The following SLC44A2 variants were observed in gnomAD, a reference collection of about 807,000 sequenced individuals.
SLC44A2 encodes the protein choline transporter-like protein 2.
Under a neutral mutation model 90.8 loss-of-function variants are expected in SLC44A2, and 57 were observed. The observed-to-expected ratio is 0.63, with a 90% confidence interval of 0.51 to 0.78. The LOEUF is 0.78. Among genes scored for constraint, SLC44A2 ranks in the 30% least tolerant of loss-of-function variants. The pLI, the probability that SLC44A2 is intolerant of heterozygous loss-of-function variation, is 0.00. For synonymous variants in SLC44A2, 355 were observed against 360.7 expected, an observed-to-expected ratio of 0.98 and a Z score of 0.18; for missense variants, 794 against 919.7, an observed-to-expected ratio of 0.86 and a Z score of 1.77.
intron 20 of SLC44A2, chr19:10,641,481 T>G: frequency 4.7e-6 from 2 of 429,766 alleles, no homozygotes; most frequent in South Asian, 3.3e-5. Flanking sequence ...CTCTTTGAGC[T>G]GAAAGCAGAA....
At chr19:10,629,555 G>A (rs1048133366) in intron 4 of SLC44A2, among the ~76,000 whole-genome samples, 1 of 151,142 alleles carries the variant, frequency 6.6e-6, no homozygotes, top group Non-Finnish European at 1.5e-5. Context: ...TGGTATTACG[G>A]GTGTGAGCCA....
intron 1 of SLC44A2, among the ~76,000 whole-genome samples, chr19:10,612,804 A>G (rs1337223828): frequency 1.3e-5 from 2 of 152,232 alleles, no homozygotes; most frequent in Non-Finnish European, 2.9e-5. Flanking sequence ...TGCCTCTCCC[A>G]ATCCTGGCCT....
intron 16 of SLC44A2, 102 bp from the exon 17 acceptor site, chr19:10,637,541 AG>A (rs2067071159): frequency 9.5e-7 from 1 of 1,054,996 alleles, no homozygotes; most frequent in Non-Finnish European, 1.5e-6. Flanking sequence ...GCGTGGACTC[AG>A]GAGACCTGGA....
chr19:10,635,673 C>CT, intron 14 of SLC44A2, 158 bp downstream of exon 14: 1 of 639,642 alleles, frequency 1.6e-6, no homozygotes, highest in South Asian at 2.1e-5. Context: ...AAGAGACTCT[C>CT]TAACTGGATC....
rs1371001954 is a variant in SLC44A2 at position 10,631,620 on chromosome 19, A to G, written c.503-6A>G. 2 of 1,613,930 alleles carry G rather than the reference A, an allele frequency of 1.2e-6. No individual in the cohort carries two copies. Among genetic ancestry groups the G allele is most frequent in the Admixed American group, 1.7e-5 (1 of 60,016 alleles). On this transcript the variant is annotated splice_region_variant and splice_polypyrimidine_tract_variant and intron_variant, in intron 7 of 21. Coordinates refer to ENST00000335757, the MANE Select transcript of SLC44A2 (RefSeq NM_020428.4). The stretch of plus-strand genomic sequence containing the variant: ...CCTGACTGGTGCCATCCTCTGCTCC[A>G]TGCAGTGGCCCGGAGATGCTTCCCC...
chr19:10,610,631 C>CT lies in SLC44A2; in HGVS notation c.31+8095dup, dbSNP rs56002726. 8.6e-3 allele frequency among the ~76,000 whole-genome samples: 413 copies of CT among 48,010 alleles called. 7 individuals carry two copies. The highest frequency in any genetic ancestry group is 0.01 in the African/African-American group (113 of 10,904). 31.5% of individuals were successfully genotyped at this position (48,010 alleles called of 152,430 possible). ...TACAGTCGTGAGCCACCGCGCCTGG[C>CT]TTTTTTTTTTTTTTTTTTTTTTTTT... On this transcript the variant is annotated intron_variant, in intron 1 of 21. Transcript: ENST00000407327.
At chr19:10,636,779 A>G in intron 16 of SLC44A2, 23 bp downstream of exon 16, 2 of 1,607,486 alleles carry the variant, frequency 1.2e-6, no homozygotes, top group East Asian at 4.5e-5. Flanking sequence ...CACGGTTCGC[A>G]TTAGCTCCTG....
intron 20 of SLC44A2, among the ~76,000 whole-genome samples, chr19:10,640,176 C>T (rs973653649): frequency 4.0e-5 from 6 of 149,944 alleles, no homozygotes; most frequent in Non-Finnish European, 8.9e-5. Context: ...CCACAACCTC[C>T]ACCTCCCGGG....
chr19:10,604,749 G>A (rs978098853), intron 1 of SLC44A2, among the ~76,000 whole-genome samples: 1 of 152,132 alleles, frequency 6.6e-6, no homozygotes, highest in Admixed American at 6.6e-5. Context: ...TGTCAAGCTC[G>A]ATGTGCTCAG....
Position 10,635,227 on chromosome 19 carries a change from T to A in SLC44A2, c.1120T>A (p.Cys374Ser). The A allele has an allele frequency of 1.2e-6, 2 of 1,614,082 alleles. No individual in the cohort carries two copies. Among genetic ancestry groups the A allele is most frequent in the Non-Finnish European group, 1.7e-6 (2 of 1,180,028 alleles). The change falls in exon 13 of 22, where the codon TGC becomes AGC. Residue 374 changes from cysteine (C) to serine (S), a missense_variant. By Grantham distance (112) the Cys-to-Ser change is moderately radical (BLOSUM62 -1). Transcript: ENST00000335757. Reference protein sequence around the residue: ...PLVTFFLLCLCIAYWASTAVF... With the variant: ...PLVTFFLLCLSIAYWASTAVF... ...GGTCACCTTCTTCTTGCTGTGCCTC[T>A]GCATCGCCTACTGGGCCAGCACTGC...
At chr19:10,629,975 G>A (rs1040200295) in intron 4 of SLC44A2, among the ~76,000 whole-genome samples, 7 of 151,990 alleles carry the variant, frequency 4.6e-5, no homozygotes, top group African/African-American at 7.2e-5. Flanking sequence ...GGCTGGTCTC[G>A]AACTCCTGAC....
intron 4 of SLC44A2, 33 bp downstream of exon 4, chr19:10,628,037 G>A: frequency 5.1e-6 from 8 of 1,562,018 alleles, no homozygotes; most frequent in Non-Finnish European, 7.0e-6. Flanking sequence ...GGTGGGGCTG[G>A]GGAAGAGGGG....
chr19:10,607,517 ATTTTTT>A (rs61695650), intron 1 of SLC44A2, among the ~76,000 whole-genome samples: 1 of 127,390 alleles, frequency 7.8e-6, no homozygotes, highest in Admixed American at 8.0e-5. Context: ...TACTCAACTA[ATTTTTT>A]TTTTTTTTTT....
upstream of SLC44A2, among the ~76,000 whole-genome samples, chr19:10,623,895 G>A (rs2066909655): frequency 6.6e-6 from 1 of 151,876 alleles, no homozygotes; most frequent in Non-Finnish European, 1.5e-5. Flanking sequence ...TTGCCTTGTT[G>A]GCCAGGCTGG....
At chr19:10,621,437 TTTTTG>T (rs1274284141), upstream of SLC44A2, among the ~76,000 whole-genome samples, 9 of 144,294 alleles carry the variant, frequency 6.2e-5, no homozygotes, top group Admixed American at 4.1e-4. Flanking sequence ...TTTTTTTTTT[TTTTTG>T]GTTTTTGTGG....
chr19:10,616,290 G>A (rs533595257), intron 1 of SLC44A2, among the ~76,000 whole-genome samples: 1 of 152,182 alleles, frequency 6.6e-6, no homozygotes, highest in East Asian at 1.9e-4. Flanking sequence ...GAGTGCAGTG[G>A]GGCAATCTGA....
chr19:10,617,300 G>C (rs1451934240), intron 1 of SLC44A2, among the ~76,000 whole-genome samples: 1 of 152,106 alleles, frequency 6.6e-6, no homozygotes, highest in Non-Finnish European at 1.5e-5. Flanking sequence ...TAGGCTCTCA[G>C]GGCAGAAACC....
upstream of SLC44A2, among the ~76,000 whole-genome samples, chr19:10,621,934 G>A (rs2066897774): frequency 6.6e-6 from 1 of 152,190 alleles, no homozygotes; most frequent in East Asian, 1.9e-4. Flanking sequence ...GCTAATTTTT[G>A]TACTTTTAGT....
rs943853236 is a variant in SLC44A2, at chr19:10,606,182, C to T, written c.31+3621C>T. On this transcript the variant is annotated intron_variant, in intron 1 of 21. Transcript: ENST00000407327. ...AGCATGGTGGTGCTCAACTGTATTC[C>T]AGCTACTTGGGAGGCTGAGGTGGGA... Among the ~76,000 whole-genome samples the T allele has an allele frequency of 2.0e-5, 3 of 151,940 alleles. No individual in the cohort carries two copies. The East Asian group carries it at 5.8e-4, about 29-fold the overall frequency.
Sources: allele counts gnomAD v4.1 joint callset (sites outside exome capture counted in the v4.1 genomes callset), GRCh38; gene constraint gnomAD v4.1.1; transcripts MANE v1.5; gene names NCBI Gene and HGNC (gene_info 2026-07-23, HGNC 2026-07-21).